AKR1D1: variants seen among roughly 807,000 people sequenced by gnomAD.
AKR1D1 encodes the protein delta(4)-3-ketosteroid 5-beta-reductase.
AKR1D1 carries 32 observed loss-of-function variants against 42.6 expected under a neutral mutation model. The ratio of observed to expected loss-of-function variants is 0.75; its 90% CI spans 0.57 to 1.01. AKR1D1 has a LOEUF of 1.01. AKR1D1 is among the 50% of genes least tolerant of loss of function. AKR1D1 has a pLI of 0.00. For missense variants in AKR1D1, 364 were observed against 402.2 expected (o/e 0.91, Z 0.81); for synonymous variants, 123 against 135.5 (o/e 0.91, Z 0.64).
At chr7:138,105,218 T>C in intron 4 of AKR1D1, 89 bp from the exon 5 acceptor site, 1 of 1,589,266 alleles carries the variant, frequency 6.3e-7, no homozygotes. Flanking sequence ...GGAACTTTCC[T>C]TTTTAAAGAA....
intron 6 of AKR1D1, among the ~76,000 whole-genome samples, chr7:138,107,040 C>G (rs1265180992): frequency 6.6e-6 from 1 of 152,184 alleles, no homozygotes; most frequent in African/African-American, 2.4e-5. Context: ...AGTGATACTT[C>G]TACTATGATG....
rs1211021863 is a variant in AKR1D1, at chr7:138,083,929, A to G, written c.94-4672A>G. On this transcript the variant is annotated intron_variant, in intron 1 of 8. Transcript: ENST00000242375. ...TGTGCAGGTTAATACTACTTTTAAA[A>G]AAGTATTTGTGAGCGAGCATCAAGG... 3.9e-5 allele frequency among the ~76,000 whole-genome samples: 6 copies of G among 152,258 alleles called. No homozygotes were observed. In the East Asian group the frequency reaches 1.2e-3, roughly 30 times the overall value.
chr7:138,116,522 G>A (rs1350906659), intron 8 of AKR1D1, 98 bp from the exon 9 acceptor site: 3 of 1,276,430 alleles, frequency 2.4e-6, no homozygotes, highest in South Asian at 1.2e-5. Flanking sequence ...ATAGGAGAGA[G>A]GGGTAGTGGT....
intron 7 of AKR1D1, among the ~76,000 whole-genome samples, chr7:138,107,985 C>T (rs1046597502): frequency 2.0e-5 from 3 of 152,162 alleles, no homozygotes; most frequent in East Asian, 3.9e-4. Context: ...TACCCAGCCT[C>T]TTCCCTTATC....
At chr7:138,100,990 C>T (rs576033778) in intron 4 of AKR1D1, among the ~76,000 whole-genome samples, 1 of 152,030 alleles carries the variant, frequency 6.6e-6, no homozygotes, top group South Asian at 2.1e-4. Context: ...AGGCATGAGC[C>T]AACGCGCCCG....
intron 7 of AKR1D1, among the ~76,000 whole-genome samples, chr7:138,108,687 A>C (rs923652885): frequency 1.3e-5 from 2 of 152,192 alleles, no homozygotes; most frequent in African/African-American, 4.8e-5. Context: ...GTTGGTCAAA[A>C]AAGTTGTGAT....
Position 138,113,691 on chromosome 7 carries a change from T to G in AKR1D1, c.857T>G (p.Ile286Ser). Residue 286 changes from isoleucine (I) to serine (S), a missense_variant and splice_region_variant, in exon 8 of 9, where the codon ATC becomes AGC. Coordinates refer to ENST00000242375, the MANE Select transcript of AKR1D1 (RefSeq NM_005989.4). ...NLERIKENFQ[I>S]FDFSLTEEEM... ...GTTCTATTATTTCCGTTATTTCAGA[T>G]CTTTGACTTTTCTCTCACTGAAGAA... 2 of 1,613,774 alleles carry G rather than the reference T, an allele frequency of 1.2e-6. No individual in the cohort carries two copies. The highest frequency in any genetic ancestry group is 1.7e-6 in the Non-Finnish European group (2 of 1,179,688).
intron 1 of AKR1D1, among the ~76,000 whole-genome samples, chr7:138,086,059 C>G (rs1185336947): frequency 6.6e-6 from 1 of 151,932 alleles, no homozygotes; most frequent in African/African-American, 2.4e-5. Context: ...AAATGTATGC[C>G]AGGCATGGTG....
chr7:138,116,750 G>A lies in AKR1D1; in HGVS notation c.*88G>A, dbSNP rs1794642635. ...TCCCCTAGATGTGAAAATGAAGAGA[G>A]AGGGTTTTACCATCCTGAGAAGAAA... On this transcript the variant is annotated 3_prime_UTR_variant, in exon 9 of 9. Transcript: ENST00000242375. 1 of 1,244,892 alleles carries A rather than the reference G, an allele frequency of 8.0e-7. No homozygotes were observed. Among genetic ancestry groups the A allele is most frequent in the South Asian group, 1.2e-5 (1 of 82,016 alleles). The allele number at this position is 1,244,892 out of a possible 1,614,324, so 77.1% of individuals were successfully genotyped here.
chr7:138,096,296 G>GTAA (rs1169443584), intron 3 of AKR1D1, among the ~76,000 whole-genome samples: 3 of 152,084 alleles, frequency 2.0e-5, no homozygotes, highest in South Asian at 2.1e-4. Flanking sequence ...CTGACACTGG[G>GTAA]TAATAGATAA....
chr7:138,101,175 CCCTCCCTCCCTCCCTCCCTTCCTTCCTT>C (rs1247706872), intron 4 of AKR1D1, among the ~76,000 whole-genome samples: 4 of 56,180 alleles, frequency 7.1e-5, no homozygotes, highest in African/African-American at 3.2e-4. Context: ...CTCCCTCCCT[CCCTCCCTCCCTCCCTCCCTTCCTTCCTT>C]CCTTCCTTCC....
chr7:138,116,556 A>AT lies in AKR1D1; in HGVS notation c.939-62dup, dbSNP rs1377060904. 1.4e-5 allele frequency: 22 copies of AT among 1,560,848 alleles called. No individual in the cohort carries two copies. The Admixed American group carries it at 3.7e-4, about 26-fold the overall frequency. Reference sequence around the variant, plus strand: ...GTCAGTGAAATTCTCAAAGGATGCTATTGAAACATACAGCTGTGCAATTTT... The same window carrying AT: ...GTCAGTGAAATTCTCAAAGGATGCTATTTGAAACATACAGCTGTGCAATTTT... On this transcript the variant is annotated intron_variant, in intron 8 of 8. Coordinates refer to ENST00000242375, the MANE Select transcript of AKR1D1 (RefSeq NM_005989.4).
At chr7:138,090,683 A>AT (rs556063657) in intron 2 of AKR1D1, among the ~76,000 whole-genome samples, 29 of 152,054 alleles carry the variant, frequency 1.9e-4, no homozygotes, top group Non-Finnish European at 4.1e-4. Context: ...CTAAACTTAT[A>AT]TCCCCCCAAA....
At chr7:138,102,157 G>A (rs755587168) in intron 4 of AKR1D1, among the ~76,000 whole-genome samples, 13 of 151,886 alleles carry the variant, frequency 8.6e-5, no homozygotes, top group Non-Finnish European at 1.6e-4. Context: ...GTTGCAGTGA[G>A]CCGAGATCCC....
chr7:138,104,553 C>T (rs939851549), intron 4 of AKR1D1, among the ~76,000 whole-genome samples: 3 of 151,730 alleles, frequency 2.0e-5, no homozygotes, highest in South Asian at 2.1e-4. Context: ...TAAAACTAGC[C>T]GGGCGTGGTG....
At chr7:138,111,157 C>G (rs939257518) in intron 7 of AKR1D1, among the ~76,000 whole-genome samples, 3 of 152,156 alleles carry the variant, frequency 2.0e-5, no homozygotes, top group Non-Finnish European at 4.4e-5. Flanking sequence ...TTTCAAACAT[C>G]CCCCTCTCTT....
intron 3 of AKR1D1, among the ~76,000 whole-genome samples, chr7:138,093,629 T>C (rs1794129008): frequency 6.6e-6 from 1 of 152,174 alleles, no homozygotes; most frequent in African/African-American, 2.4e-5. Context: ...TCTTCTGGAA[T>C]CCCTCCTGAA....
At chr7:138,083,442 G>T (rs185037948) in intron 1 of AKR1D1, among the ~76,000 whole-genome samples, 1 of 152,038 alleles carries the variant, frequency 6.6e-6, no homozygotes, top group Non-Finnish European at 1.5e-5. Flanking sequence ...TTGCTTCTTT[G>T]CTATTGAGTT....
intron 1 of AKR1D1, among the ~76,000 whole-genome samples, chr7:138,086,857 G>A (rs547059340): frequency 1.3e-5 from 2 of 152,220 alleles, no homozygotes; most frequent in African/African-American, 2.4e-5. Flanking sequence ...ACACACACAC[G>A]CTCTAAAAGA....
Sources: allele counts gnomAD v4.1 joint callset (sites outside exome capture counted in the v4.1 genomes callset), GRCh38; gene constraint gnomAD v4.1.1; transcripts MANE v1.5; gene names NCBI Gene and HGNC (gene_info 2026-07-23, HGNC 2026-07-21).